Variants in TAFA2 observed in about 807,000 individuals in gnomAD.
TAFA2 encodes the protein TAFA chemokine like family member 2, also known as chemokine-like protein TAFA-2.
A neutral mutation model predicts 18.8 loss-of-function variants in TAFA2; 7 were observed. The ratio of observed to expected loss-of-function variants is 0.37; its 90% CI spans 0.21 to 0.70. The LOEUF (loss-of-function observed/expected upper bound fraction) is 0.70, where lower values mean the gene tolerates loss of function less well. TAFA2 is among the 30% of genes least tolerant of loss of function. The pLI is 0.53. For missense variants in TAFA2, 122 were observed against 158.1 expected (o/e 0.77, Z 1.23); for synonymous variants, 60 against 54.2 (o/e 1.11, Z -0.47).
intron 1 of TAFA2, among the ~76,000 whole-genome samples, chr12:61,910,100 TTG>T (rs71083963): frequency 0.019 from 2,778 of 144,826 alleles, 41 homozygotes; most frequent in African/African-American, 0.05. Context: ...GTGTGTGTGT[TTG>T]TGTGTGTGTG....
At chr12:61,875,434 A>C (rs1592452689) in intron 1 of TAFA2, among the ~76,000 whole-genome samples, 2 of 152,122 alleles carry the variant, frequency 1.3e-5, no homozygotes, top group Non-Finnish European at 2.9e-5. Context: ...GAAAAAGATT[A>C]AGGAAAATAA....
chr12:62,173,286 G>A (rs1285891883), intron 1 of TAFA2, among the ~76,000 whole-genome samples: 6 of 152,006 alleles, frequency 3.9e-5, no homozygotes, highest in South Asian at 2.1e-4. Context: ...CGTCGTGCGC[G>A]CCTGTAATCC....
At chr12:62,036,775 T>G (rs1372907409) in intron 1 of TAFA2, among the ~76,000 whole-genome samples, 1 of 152,200 alleles carries the variant, frequency 6.6e-6, no homozygotes, top group Non-Finnish European at 1.5e-5. Flanking sequence ...CTAAAGCAGA[T>G]ACCAAATACT....
At chr12:61,780,962 T>C (rs1006077311) in intron 2 of TAFA2, among the ~76,000 whole-genome samples, 1 of 151,724 alleles carries the variant, frequency 6.6e-6, no homozygotes, top group African/African-American at 2.4e-5. Flanking sequence ...TCAAATTTGC[T>C]CGAGTCAGAC....
upstream of TAFA2, among the ~76,000 whole-genome samples, chr12:62,196,795 T>C (rs552520851): frequency 2.6e-5 from 4 of 152,116 alleles, no homozygotes; most frequent in African/African-American, 9.7e-5. Flanking sequence ...AGTGAGCACA[T>C]GCTGCTGAAA....
At chr12:61,998,204 A>T (rs1443565600) in intron 1 of TAFA2, among the ~76,000 whole-genome samples, 2 of 152,216 alleles carry the variant, frequency 1.3e-5, no homozygotes, top group Admixed American at 1.3e-4. Context: ...CATTCCTGTC[A>T]TTCAGGACAT....
chr12:62,182,273 T>A (rs1383957257), intron 1 of TAFA2, among the ~76,000 whole-genome samples: 3 of 152,210 alleles, frequency 2.0e-5, no homozygotes, highest in Non-Finnish European at 4.4e-5. Flanking sequence ...ATATGTTCTC[T>A]AAATGGAAGG....
chr12:62,056,413 C>T (rs1047330397), intron 1 of TAFA2, among the ~76,000 whole-genome samples: 1 of 152,188 alleles, frequency 6.6e-6, no homozygotes, highest in Non-Finnish European at 1.5e-5. Flanking sequence ...TTACAACCAC[C>T]AGTGTGGCAT....
chr12:61,714,344 C>G (rs1869550894), intron 4 of TAFA2, among the ~76,000 whole-genome samples: 1 of 152,146 alleles, frequency 6.6e-6, no homozygotes, highest in Non-Finnish European at 1.5e-5. Flanking sequence ...AGTGAAACTA[C>G]TGGGCTGCTG....
chr12:62,150,971 A>C (rs11174350), intron 1 of TAFA2, among the ~76,000 whole-genome samples: 8,338 of 151,712 alleles, frequency 0.055, 319 homozygotes, highest in South Asian at 0.099. Flanking sequence ...TGAAATAGGC[A>C]CATCCAAGTG....
intron 2 of TAFA2, among the ~76,000 whole-genome samples, chr12:61,806,070 C>T (rs1160957755): frequency 6.6e-6 from 1 of 152,094 alleles, no homozygotes. Flanking sequence ...CTAGTCTTCC[C>T]CACATTGTGT....
intron 1 of TAFA2, among the ~76,000 whole-genome samples, chr12:62,100,740 T>G (rs1450307605): frequency 6.6e-6 from 1 of 152,212 alleles, no homozygotes; most frequent in Non-Finnish European, 1.5e-5. Flanking sequence ...CAAACAGTTC[T>G]GCCCATTGTG....
intron 1 of TAFA2, among the ~76,000 whole-genome samples, chr12:61,931,722 CA>C (rs1396263571): frequency 6.6e-6 from 1 of 152,142 alleles, no homozygotes; most frequent in African/African-American, 2.4e-5. Context: ...TGTAATGTTA[CA>C]AAGGCTTCTG....
In TAFA2 at chr12:61,938,064, C is replaced by T. The variant is rs575421033; in HGVS notation, c.-1-70638G>A. Among the ~76,000 whole-genome samples the T allele has an allele frequency of 3.4e-4, 51 of 152,120 alleles. 1 individual carries two copies. The highest frequency in any genetic ancestry group is 1.0e-3 in the South Asian group (5 of 4,822). On this transcript the variant is annotated intron_variant, in intron 1 of 4. Coordinates refer to ENST00000416284, the MANE Select transcript of TAFA2 (RefSeq NM_178539.5). ...ATATATGAATAAATGCTCACCATCACTAATCATCAGGGAAATACAAATTAA... is the reference window on the plus strand; with the variant it reads ...ATATATGAATAAATGCTCACCATCATTAATCATCAGGGAAATACAAATTAA...
chr12:62,187,047 C>A (rs1248780382), intron 1 of TAFA2, among the ~76,000 whole-genome samples: 1 of 151,988 alleles, frequency 6.6e-6, no homozygotes. Flanking sequence ...TTTGTAGATA[C>A]CATTTTAAAC....
At chr12:62,045,698 T>C (rs966540737) in intron 1 of TAFA2, among the ~76,000 whole-genome samples, 1 of 152,192 alleles carries the variant, frequency 6.6e-6, no homozygotes, top group Admixed American at 6.5e-5. Flanking sequence ...ATGTTCCTGT[T>C]TTTAAAAATT....
chr12:61,995,580 A>G (rs1880157494), intron 1 of TAFA2, among the ~76,000 whole-genome samples: 1 of 152,208 alleles, frequency 6.6e-6, no homozygotes, highest in African/African-American at 2.4e-5. Context: ...CATGGCTAAC[A>G]TTGTGCCTGG....
intron 1 of TAFA2, among the ~76,000 whole-genome samples, chr12:62,092,472 A>C (rs1269538819): frequency 6.6e-6 from 1 of 151,914 alleles, no homozygotes; most frequent in African/African-American, 2.4e-5. Context: ...AGTTTGATAA[A>C]TCCCACAGTC....
At chr12:62,255,103 A>G (rs761853430) in intron 1 of TAFA2, 4 of 152,256 alleles carry the variant, frequency 2.6e-5, no homozygotes, top group East Asian at 3.8e-4. Context: ...GATCAAGTAT[A>G]TAACATTAAC....
Sources: gnomAD v4.1 joint callset for allele counts (sites outside exome capture counted in the v4.1 genomes callset) on GRCh38, gnomAD v4.1.1 for gene constraint, MANE v1.5 for transcripts, NCBI Gene and HGNC (gene_info 2026-07-23, HGNC 2026-07-21) for gene names.